Variants in RICTOR observed in about 807,000 individuals in gnomAD.
RICTOR encodes the protein rapamycin-insensitive companion of mTOR.
RICTOR carries 49 observed loss-of-function variants against 214.9 expected under a neutral mutation model. That is an observed-to-expected ratio of 0.23 (90% confidence interval 0.18 to 0.29). The LOEUF (loss-of-function observed/expected upper bound fraction) is 0.29. RICTOR is among the 10% of genes least tolerant of loss of function. RICTOR has a pLI of 1.00. For synonymous variants in RICTOR, 717 were observed against 711.3 expected (o/e 1.01, Z -0.13); for missense variants, 1,625 against 2,047.0 (o/e 0.79, Z 3.98).
chr5:39,026,309 A>C (rs1393639635), intron 2 of RICTOR, among the ~76,000 whole-genome samples: 1 of 151,986 alleles, frequency 6.6e-6, no homozygotes, highest in African/African-American at 2.4e-5. Context: ...TGTCACTTGT[A>C]CTCCAGCTTG....
At chr5:39,033,857 A>G (rs1387328774) in intron 2 of RICTOR, among the ~76,000 whole-genome samples, 1 of 152,164 alleles carries the variant, frequency 6.6e-6, no homozygotes, top group Non-Finnish European at 1.5e-5. Context: ...ACAAATAACT[A>G]TATGTTTTTA....
chr5:39,060,336 T>C (rs1012309767), intron 2 of RICTOR, among the ~76,000 whole-genome samples: 1 of 152,088 alleles, frequency 6.6e-6, no homozygotes, highest in African/African-American at 2.4e-5. Flanking sequence ...AACCTATTTA[T>C]CCTATTTTAC....
Position 38,939,415 on chromosome 5 carries a change from A to C in RICTOR, c.*2889T>G, listed in dbSNP as rs1263979087. On this transcript the variant is annotated 3_prime_UTR_variant, in exon 38 of 38. Coordinates refer to ENST00000357387, the MANE Select transcript of RICTOR (RefSeq NM_152756.5). Reference sequence around the variant, plus strand: ...TCATATAGAATGTCCATATTCTACTAATCGTTATTAGAAAAAATTTAATTA... The same window carrying C: ...TCATATAGAATGTCCATATTCTACTCATCGTTATTAGAAAAAATTTAATTA... The C allele has an allele frequency of 8.6e-6, 2 of 232,234 alleles. No individual in the cohort carries two copies. Among genetic ancestry groups the C allele is most frequent in the African/African-American group, 4.4e-5 (2 of 45,324 alleles). The allele number at this position is 232,234 out of a possible 1,614,324, so 14.4% of individuals were successfully genotyped here.
At chr5:39,041,796 C>T (rs1757187316) in intron 2 of RICTOR, among the ~76,000 whole-genome samples, 1 of 151,914 alleles carries the variant, frequency 6.6e-6, no homozygotes. Flanking sequence ...TTTGTTCCTA[C>T]ATCAAAAACA....
intron 31 of RICTOR, chr5:38,949,406 A>T: frequency 6.3e-7 from 1 of 1,592,038 alleles, no homozygotes; most frequent in Non-Finnish European, 8.5e-7. Context: ...TTCCCCCGAC[A>T]TGCTTCTTTT....
At chr5:39,050,185 C>CAAAT (rs1211547682) in intron 2 of RICTOR, among the ~76,000 whole-genome samples, 3 of 149,112 alleles carry the variant, frequency 2.0e-5, no homozygotes, top group Non-Finnish European at 3.0e-5. Context: ...TAAATATAAA[C>CAAAT]AAATAAATAA....
Position 38,995,001 on chromosome 5 carries a change from C to CG in RICTOR, c.456+1817dup, listed in dbSNP as rs561967990. On this transcript the variant is annotated intron_variant, in intron 6 of 37. Transcript: ENST00000357387. ...CTCACAAGTGTGTACTAAAGTTTTC[C>CG]GGGGGCTCCACCGCATGTGTTATCA... is the stretch of plus-strand genomic sequence containing the variant. 3.8e-3 allele frequency among the ~76,000 whole-genome samples: 571 copies of CG among 152,126 alleles called. 5 individuals carry two copies. Among genetic ancestry groups the CG allele is most frequent in the African/African-American group, 0.013 (545 of 41,496 alleles).
At position 38,945,688 on chromosome 5, in the gene RICTOR, G is replaced by C. The variant is rs1316909708; in HGVS notation, c.4436C>G (p.Ser1479Cys). 4.3e-6 allele frequency: 7 copies of C among 1,613,100 alleles called. No individual in the cohort carries two copies. In the South Asian group the frequency reaches 7.7e-5, roughly 18 times the overall value. ...CATCTGCTGTCGTAGCAAGTGAAAA[G>C]AATTTTTTACAAGACCTCCAGTTCC... ...PSGTGGLVKN[S>C]FHLLRQQMSL... Residue 1479 changes from serine to cysteine, a missense_variant, in exon 34 of 38, where the codon TCT becomes TGT. Coordinates refer to ENST00000357387, the MANE Select transcript of RICTOR (RefSeq NM_152756.5).
intron 3 of RICTOR, among the ~76,000 whole-genome samples, chr5:39,005,788 G>T (rs1009371749): frequency 2.0e-5 from 3 of 152,164 alleles, no homozygotes; most frequent in Non-Finnish European, 4.4e-5. Context: ...CCACTAGATG[G>T]TGTTGAGTCC....
intron 2 of RICTOR, among the ~76,000 whole-genome samples, chr5:39,070,118 G>C (rs1759202486): frequency 6.6e-6 from 1 of 152,134 alleles, no homozygotes; most frequent in Admixed American, 6.5e-5. Context: ...TTGTCTAACT[G>C]AATGATTAAA....
intron 2 of RICTOR, among the ~76,000 whole-genome samples, chr5:39,046,042 A>AATAAATAAATAC (rs1268797428): frequency 6.7e-6 from 1 of 150,248 alleles, no homozygotes; most frequent in Non-Finnish European, 1.5e-5. Context: ...TAAATAAATA[A>AATAAATAAATAC]ATAAATAAAT....
At chr5:39,012,303 G>A (rs141626924) in intron 3 of RICTOR, among the ~76,000 whole-genome samples, 1,600 of 152,158 alleles carry the variant, frequency 0.011, 19 homozygotes, top group South Asian at 0.037. Flanking sequence ...CTCTCCTGCC[G>A]CCATGTGAAG....
chr5:39,073,656 G>A (rs978425588), intron 2 of RICTOR, among the ~76,000 whole-genome samples: 3 of 152,334 alleles, frequency 2.0e-5, no homozygotes, highest in East Asian at 1.9e-4. Context: ...GGCAAGCACC[G>A]AGCAGGTCCG....
chr5:39,073,019 T>TA (rs1759429846), intron 2 of RICTOR, among the ~76,000 whole-genome samples: 4 of 152,386 alleles, frequency 2.6e-5, no homozygotes, highest in Admixed American at 2.6e-4. Context: ...GCTTTCACTC[T>TA]AGCCGTTGTC....
chr5:38,949,575 C>T, intron 31 of RICTOR, 137 bp downstream of exon 31: 1 of 1,044,118 alleles, frequency 9.6e-7, no homozygotes, highest in Non-Finnish European at 1.4e-6. Flanking sequence ...TAACAAGGAG[C>T]TTATAGCCTA....
At chr5:39,053,311 T>C (rs908803025) in intron 2 of RICTOR, among the ~76,000 whole-genome samples, 16 of 152,216 alleles carry the variant, frequency 1.1e-4, no homozygotes, top group Non-Finnish European at 2.4e-4. Context: ...ATACTTGTCA[T>C]GGCAAATCAG....
At chr5:39,014,891 A>T (rs1410311527) in intron 3 of RICTOR, among the ~76,000 whole-genome samples, 2 of 152,204 alleles carry the variant, frequency 1.3e-5, no homozygotes, top group Non-Finnish European at 2.9e-5. Flanking sequence ...AGATAACTTA[A>T]TCCTAACAGG....
At chr5:38,949,048 A>G (rs141352587) in intron 31 of RICTOR, among the ~76,000 whole-genome samples, 1 of 152,182 alleles carries the variant, frequency 6.6e-6, no homozygotes, top group African/African-American at 2.4e-5. Context: ...ATTTAAAACT[A>G]AGGAAAGTTG....
intron 8 of RICTOR, chr5:38,981,496 A>G (rs1751712780): frequency 6.3e-6 from 1 of 158,664 alleles, no homozygotes; most frequent in African/African-American, 2.4e-5. Flanking sequence ...AGATAATTTT[A>G]GGTTTCATAA....
Sources: gnomAD v4.1 joint callset for allele counts (sites outside exome capture counted in the v4.1 genomes callset) on GRCh38, gnomAD v4.1.1 for gene constraint, MANE v1.5 for transcripts, NCBI Gene and HGNC (gene_info 2026-07-23, HGNC 2026-07-21) for gene names.